Variants in FSTL5 observed in about 807,000 individuals in gnomAD.
FSTL5 encodes follistatin like 5.
In FSTL5, 62 loss-of-function variants were observed where a neutral mutation model predicts 89.1. The ratio of observed to expected loss-of-function variants is 0.70; its 90% confidence interval spans 0.57 to 0.86. The LOEUF (loss-of-function observed/expected upper bound fraction) is 0.86. Among genes scored for constraint, FSTL5 ranks in the 40% least tolerant of loss-of-function variants. FSTL5 has a pLI of 0.00. For synonymous variants in FSTL5, 383 were observed against 346.2 expected, an observed-to-expected ratio of 1.11 and a Z score of -1.18; for missense variants, 1,057 against 1,001.6, an observed-to-expected ratio of 1.06 and a Z score of -0.75.
At chr4:161,913,711 T>C (rs1733761975) in intron 4 of FSTL5, among the ~76,000 whole-genome samples, 1 of 152,158 alleles carries the variant, frequency 6.6e-6, no homozygotes, top group South Asian at 2.1e-4. Context: ...ATGTGAGACC[T>C]GGTGTCAAAG....
At position 161,833,323 on chromosome 4, in the gene FSTL5, G is replaced by T. The variant is rs1013562901; in HGVS notation, c.410-57249C>A. Among the ~76,000 whole-genome samples the T allele has an allele frequency of 4.6e-5, 7 of 151,910 alleles. No individual in the cohort carries two copies. In the South Asian group the frequency reaches 1.5e-3, roughly 32 times the overall value. ...CAACTATGTGGTCAATTTTGGAATA[G>T]GTGTGGTGTGGTGCTGAAAAAAATG... On this transcript the variant is annotated intron_variant, in intron 4 of 15. Transcript: ENST00000306100.
At chr4:161,695,467 T>G (rs1308527969) in intron 6 of FSTL5, among the ~76,000 whole-genome samples, 1 of 76,430 alleles carries the variant, frequency 1.3e-5, no homozygotes, top group African/African-American at 3.5e-5. Context: ...ATATATCACA[T>G]ATAGACATAT....
At chr4:161,772,062 G>T (rs894092940) in intron 5 of FSTL5, among the ~76,000 whole-genome samples, 2 of 152,022 alleles carry the variant, frequency 1.3e-5, no homozygotes, top group Non-Finnish European at 2.9e-5. Context: ...TTTATCCACT[G>T]ATTTTTTTAT....
At chr4:162,109,340 C>G (rs1319220675) in intron 2 of FSTL5, among the ~76,000 whole-genome samples, 12 of 152,030 alleles carry the variant, frequency 7.9e-5, no homozygotes, top group Non-Finnish European at 1.2e-4. Context: ...TCATTCCTGT[C>G]AAACATACAC....
chr4:161,926,994 G>C (rs1734145517), intron 3 of FSTL5, among the ~76,000 whole-genome samples: 1 of 151,650 alleles, frequency 6.6e-6, no homozygotes, highest in African/African-American at 2.4e-5. Context: ...TGATATTTAA[G>C]GTCTTCTTTT....
chr4:161,705,987 TATATATATACAC>T (rs1480475903), intron 6 of FSTL5, among the ~76,000 whole-genome samples: 6 of 94,876 alleles, frequency 6.3e-5, no homozygotes, highest in South Asian at 1.1e-3. Flanking sequence ...TATATATATA[TATATATATACAC>T]ACATCTACAC....
intron 8 of FSTL5, among the ~76,000 whole-genome samples, chr4:161,575,386 C>T (rs1002512211): frequency 1.3e-4 from 20 of 152,150 alleles, no homozygotes; most frequent in Non-Finnish European, 2.4e-4. Context: ...CTTGCAATTA[C>T]TTTTGGTGTT....
chr4:161,632,942 T>G, intron 7 of FSTL5, among the ~76,000 whole-genome samples: 1 of 152,276 alleles, frequency 6.6e-6, no homozygotes, highest in Non-Finnish European at 1.5e-5. Context: ...ATTCTAAAGA[T>G]GTATGTTTCA....
At chr4:161,556,869 G>T (rs1428577088) in intron 8 of FSTL5, among the ~76,000 whole-genome samples, 2 of 133,052 alleles carry the variant, frequency 1.5e-5, no homozygotes, top group African/African-American at 2.5e-5. Context: ...TATAATCCTG[G>T]ATTAAGTTTA....
At chr4:161,980,315 A>C (rs535183005) in intron 3 of FSTL5, among the ~76,000 whole-genome samples, 1 of 152,096 alleles carries the variant, frequency 6.6e-6, no homozygotes. Context: ...AAAGAAGATA[A>C]TTTATGGAAC....
intron 4 of FSTL5, among the ~76,000 whole-genome samples, chr4:161,862,442 G>A (rs1318834323): frequency 1.3e-5 from 2 of 152,072 alleles, no homozygotes; most frequent in Non-Finnish European, 2.9e-5. Context: ...GTCACTATAA[G>A]AGAGAATGAA....
chr4:161,899,790 A>C (rs1733292289), intron 4 of FSTL5, among the ~76,000 whole-genome samples: 1 of 152,188 alleles, frequency 6.6e-6, no homozygotes, highest in Non-Finnish European at 1.5e-5. Flanking sequence ...TGAAGAAAAC[A>C]CCAAAGAAAA....
chr4:161,905,384 T>A (rs1283055605), intron 4 of FSTL5, among the ~76,000 whole-genome samples: 1 of 152,092 alleles, frequency 6.6e-6, no homozygotes, highest in Non-Finnish European at 1.5e-5. Flanking sequence ...CATTACCACA[T>A]TGTAGATGTT....
chr4:161,406,182 G>A (rs149646131), intron 15 of FSTL5, among the ~76,000 whole-genome samples: 115 of 152,214 alleles, frequency 7.6e-4, no homozygotes, highest in African/African-American at 2.6e-3. Context: ...AAAAAATGAA[G>A]TCAATGTTAT....
intron 15 of FSTL5, among the ~76,000 whole-genome samples, chr4:161,411,018 A>T (rs577328533): frequency 1.3e-5 from 2 of 152,116 alleles, no homozygotes; most frequent in Non-Finnish European, 2.9e-5. Flanking sequence ...TGATATTGCA[A>T]CTGATCCTAT....
At position 161,598,408 on chromosome 4, in the gene FSTL5, C is replaced by T. The variant is rs191956609; in HGVS notation, c.895-10833G>A. On this transcript the variant is annotated intron_variant, in intron 7 of 15. Coordinates refer to ENST00000306100, the MANE Select transcript of FSTL5 (RefSeq NM_020116.5). ...CAAACAAACAAACAAACAAACAAAA[C>T]GCATGTTTTTGAGGAAATCAAAAGT... is the stretch of plus-strand genomic sequence containing the variant. Among the ~76,000 whole-genome samples the T allele has an allele frequency of 5.9e-4, 68 of 116,084 alleles. 1 individual carries two copies. Among genetic ancestry groups the T allele is most frequent in the African/African-American group, 1.4e-3 (48 of 33,626 alleles). The allele number at this position is 116,084 out of a possible 152,430, so 76.2% of individuals were successfully genotyped here. A position where few individuals can be genotyped will look rare whatever the true frequency, so the allele number is the denominator to read the frequency against.
chr4:161,679,462 G>C (rs1470114038), intron 6 of FSTL5, among the ~76,000 whole-genome samples: 1 of 151,760 alleles, frequency 6.6e-6, no homozygotes, highest in Non-Finnish European at 1.5e-5. Flanking sequence ...TAACTATTAA[G>C]TGGTAAAGCT....
chr4:161,402,823 C>CT (rs145198636), intron 15 of FSTL5, among the ~76,000 whole-genome samples: 5,497 of 140,990 alleles, frequency 0.039, 106 homozygotes, highest in African/African-American at 0.052. Context: ...CTTGCCAGAA[C>CT]TTTTTTTTTT....
intron 6 of FSTL5, among the ~76,000 whole-genome samples, chr4:161,694,769 A>T (rs1385531209): frequency 1.4e-5 from 2 of 146,408 alleles, no homozygotes; most frequent in East Asian, 2.0e-4. Context: ...ATTTTTCTCT[A>T]TTCCCAGGGA....
Sources: allele counts gnomAD v4.1 joint callset (sites outside exome capture counted in the v4.1 genomes callset), GRCh38; gene constraint gnomAD v4.1.1; transcripts MANE v1.5; gene names NCBI Gene and HGNC (gene_info 2026-07-23, HGNC 2026-07-21).